ARHGEF10: variants seen among roughly 807,000 people sequenced by gnomAD.
ARHGEF10 encodes the protein Rho guanine nucleotide exchange factor 10, also known as Rho guanine nucleotide exchange factor (GEF) 10.
Under a neutral mutation model 147.4 loss-of-function variants are expected in ARHGEF10, and 140 were observed. That is an observed-to-expected ratio of 0.95 (90% confidence interval 0.83 to 1.09). The LOEUF (loss-of-function observed/expected upper bound fraction) is 1.09. ARHGEF10 is among the 50% of genes least tolerant of loss of function. The pLI, the probability that ARHGEF10 is intolerant of heterozygous loss-of-function variation, is 0.00. For missense variants in ARHGEF10, 2,222 were observed against 1,752.7 expected (o/e 1.27, Z -4.78); for synonymous variants, 902 against 695.8 (o/e 1.30, Z -4.67).
chr8:1,893,516 CTG>C, intron 11 of ARHGEF10, 51 bp from the exon 12 acceptor site: 1 of 1,168,652 alleles, frequency 8.6e-7, no homozygotes, highest in East Asian at 2.3e-5. Flanking sequence ...TAAAATGTAT[CTG>C]TGTGTATTAT....
At chr8:1,849,691 C>G (rs1804873626) in intron 2 of ARHGEF10, among the ~76,000 whole-genome samples, 1 of 136,910 alleles carries the variant, frequency 7.3e-6, no homozygotes, top group African/African-American at 2.7e-5. Context: ...GCATGGATGG[C>G]AAATGCTGAG....
intron 2 of ARHGEF10, among the ~76,000 whole-genome samples, chr8:1,855,788 C>T (rs1348098521): frequency 6.6e-6 from 1 of 152,062 alleles, no homozygotes; most frequent in Non-Finnish European, 1.5e-5. Context: ...TCTCCCCAAA[C>T]GTGAATTCTG....
At chr8:1,906,613 G>C (rs1274302088) in intron 17 of ARHGEF10, among the ~76,000 whole-genome samples, 4 of 152,158 alleles carry the variant, frequency 2.6e-5, no homozygotes, top group Non-Finnish European at 4.4e-5. Flanking sequence ...GGGTGTGCAG[G>C]TCAGCGCTCA....
intron 2 of ARHGEF10, among the ~76,000 whole-genome samples, chr8:1,844,465 T>TCCCTGGGGCCTGGTAGATGACA (rs1329433075): frequency 2.1e-4 from 32 of 151,462 alleles, no homozygotes; most frequent in South Asian, 8.3e-4. Context: ...AATCCAGGGG[T>TCCCTGGGGCCTGGTAGATGACA]GAGCAGTGGC....
intron 1 of ARHGEF10, among the ~76,000 whole-genome samples, chr8:1,832,338 GGAGA>G (rs1486757248): frequency 6.8e-6 from 1 of 146,422 alleles, no homozygotes; most frequent in East Asian, 2.0e-4. Context: ...AGAGACAGAG[GGAGA>G]GAGAGACAGA....
At position 1,928,561 on chromosome 8, in the gene ARHGEF10, C is replaced by T; in HGVS notation, c.2832C>T (p.Arg944=). The T allele has an allele frequency of 1.9e-6, 3 of 1,614,208 alleles. No homozygotes were observed. The highest frequency in any genetic ancestry group is 2.5e-6 in the Non-Finnish European group (3 of 1,180,048). Residue 944 remains arginine (R), a synonymous_variant, in exon 24 of 29, where the codon CGC becomes CGT. Transcript: ENST00000349830. ...TGTACGTTCCCGTCGAGGAGAAGCG[C>T]AGAGAGCCTGGGGCACCCCCGGACC... is the stretch of plus-strand genomic sequence containing the variant. ...CMLYVPVEEK[R]REPGAPPDPE... is the part of the protein sequence containing the mutation.
rs191284903 is a variant in ARHGEF10, at chr8:1,841,104, C to T, written c.-47-2249C>T. 3.9e-5 allele frequency among the ~76,000 whole-genome samples: 6 copies of T among 152,372 alleles called. No individual in the cohort carries two copies. The East Asian group carries it at 1.2e-3, about 29-fold the overall frequency. ...CTGGGTGCTCGCATCAGCCACCCGC[C>T]CTCAGCTGTAGCCTTCGCGTCAGCC... On this transcript the variant is annotated intron_variant, in intron 1 of 28. Transcript: ENST00000349830.
intron 13 of ARHGEF10, 125 bp from the exon 14 acceptor site, chr8:1,896,208 T>C: frequency 1.2e-6 from 1 of 836,494 alleles, no homozygotes; most frequent in Non-Finnish European, 2.1e-6. Flanking sequence ...ATAAAGTTTA[T>C]CTTATGAAAA....
At chr8:1,893,906 G>T (rs1251040199) in intron 12 of ARHGEF10, among the ~76,000 whole-genome samples, 2 of 152,050 alleles carry the variant, frequency 1.3e-5, no homozygotes, top group Non-Finnish European at 2.9e-5. Flanking sequence ...AGGCTCGGTG[G>T]CTCACCCCTG....
At chr8:1,850,606 G>T (rs1805058833) in intron 2 of ARHGEF10, among the ~76,000 whole-genome samples, 1 of 152,052 alleles carries the variant, frequency 6.6e-6, no homozygotes, top group Non-Finnish European at 1.5e-5. Context: ...GTGGCTAGAG[G>T]GCGTGGGGCA....
chr8:1,852,582 A>G (rs573839278), intron 2 of ARHGEF10, among the ~76,000 whole-genome samples: 1 of 152,294 alleles, frequency 6.6e-6, no homozygotes, highest in South Asian at 2.1e-4. Context: ...TAGCAGCAGC[A>G]TTTCGAAGAT....
At chr8:1,830,603 G>A (rs762336710) in intron 1 of ARHGEF10, among the ~76,000 whole-genome samples, 6 of 152,184 alleles carry the variant, frequency 3.9e-5, no homozygotes, top group Non-Finnish European at 7.3e-5. Context: ...ATACCGCTGC[G>A]TGCTAAGTAC....
chr8:1,901,483 A>G (rs1262651936), intron 15 of ARHGEF10, among the ~76,000 whole-genome samples: 1 of 152,188 alleles, frequency 6.6e-6, no homozygotes, highest in African/African-American at 2.4e-5. Flanking sequence ...GGATCCAGAA[A>G]CATCCATTGG....
chr8:1,854,621 A>T (rs1387130805), intron 2 of ARHGEF10, among the ~76,000 whole-genome samples: 2 of 152,168 alleles, frequency 1.3e-5, no homozygotes, highest in African/African-American at 4.8e-5. Context: ...AAGCCCCTCC[A>T]AGTCTAAACT....
At chr8:1,869,289 T>C in intron 7 of ARHGEF10, 39 bp downstream of exon 7, 2 of 1,569,480 alleles carry the variant, frequency 1.3e-6, no homozygotes, top group Non-Finnish European at 8.8e-7. Flanking sequence ...GAGATTCAGC[T>C]CAGCAGCCTT....
chr8:1,826,884 C>A (rs747268154), intron 1 of ARHGEF10, among the ~76,000 whole-genome samples: 3 of 152,212 alleles, frequency 2.0e-5, no homozygotes, highest in East Asian at 1.9e-4. Flanking sequence ...AGAAGGGAAG[C>A]GTAGCTGTTA....
At chr8:1,910,671 C>A (rs536962092) in intron 18 of ARHGEF10, among the ~76,000 whole-genome samples, 2 of 152,268 alleles carry the variant, frequency 1.3e-5, no homozygotes, top group Admixed American at 6.5e-5. Context: ...GATTCATTAA[C>A]ATTTTATTCA....
chr8:1,840,213 G>A (rs1337414320), intron 1 of ARHGEF10, among the ~76,000 whole-genome samples: 2 of 137,766 alleles, frequency 1.5e-5, no homozygotes, highest in African/African-American at 2.9e-5. Flanking sequence ...TGTCCGATAT[G>A]GGGACTGTCT....
At chr8:1,940,613 G>A (rs571084303) in intron 26 of ARHGEF10, among the ~76,000 whole-genome samples, 23 of 152,258 alleles carry the variant, frequency 1.5e-4, no homozygotes, top group Non-Finnish European at 2.1e-4. Context: ...TGATGAGGAC[G>A]GAACAACACT....
Sources: allele counts gnomAD v4.1 joint callset (sites outside exome capture counted in the v4.1 genomes callset), GRCh38; gene constraint gnomAD v4.1.1; transcripts MANE v1.5; gene names NCBI Gene and HGNC (gene_info 2026-07-23, HGNC 2026-07-21).